Variants in SLC4A10 observed in about 807,000 individuals in gnomAD.
The protein encoded by SLC4A10 is solute carrier family 4 member 10.
Under a neutral mutation model 137.7 loss-of-function variants are expected in SLC4A10, and 42 were observed. That is an observed-to-expected ratio of 0.30 (90% CI 0.24 to 0.39). The LOEUF is 0.39. SLC4A10 is among the 10% of genes least tolerant of loss of function. The probability of loss-of-function intolerance (pLI) is 1.00; values close to 1 mark genes in which losing one functional copy is unlikely to be tolerated. For missense variants in SLC4A10, 925 were observed against 1,355.0 expected (o/e 0.68, Z 4.98); for synonymous variants, 474 against 464.1 (o/e 1.02, Z -0.27).
intron 3 of SLC4A10, among the ~76,000 whole-genome samples, chr2:161,823,010 A>T (rs1204958692): frequency 6.6e-6 from 1 of 151,946 alleles, no homozygotes; most frequent in East Asian, 1.9e-4. Context: ...CTTTTTTTTT[A>T]GATTTGTGAC....
intron 10 of SLC4A10, among the ~76,000 whole-genome samples, chr2:161,884,551 A>G (rs1037819629): frequency 1.3e-5 from 2 of 152,180 alleles, no homozygotes; most frequent in African/African-American, 4.8e-5. Flanking sequence ...AGAGCTACCT[A>G]ATTTGAGAAT....
intron 1 of SLC4A10, among the ~76,000 whole-genome samples, chr2:161,677,797 C>T (rs1475142917): frequency 2.0e-5 from 3 of 152,146 alleles, no homozygotes; most frequent in African/African-American, 7.2e-5. Flanking sequence ...AGATTTGGCA[C>T]AGCTAGTGAA....
At chr2:161,668,134 A>G (rs1574229550) in intron 1 of SLC4A10, among the ~76,000 whole-genome samples, 1 of 151,818 alleles carries the variant, frequency 6.6e-6, no homozygotes, top group African/African-American at 2.4e-5. Flanking sequence ...GAAACTTTGA[A>G]CTACTCCACT....
chr2:161,786,929 A>G (rs1410663870), intron 2 of SLC4A10, among the ~76,000 whole-genome samples: 1 of 151,812 alleles, frequency 6.6e-6, no homozygotes, highest in Non-Finnish European at 1.5e-5. Flanking sequence ...GTTGCTTTGC[A>G]GTCTCAGTGG....
chr2:161,972,690 A>T (rs1698766691), intron 23 of SLC4A10, among the ~76,000 whole-genome samples: 1 of 152,170 alleles, frequency 6.6e-6, no homozygotes, highest in Admixed American at 6.5e-5. Context: ...TACAATATAG[A>T]GTTTCTGGGG....
rs185875973 is a variant in SLC4A10 at position 161,670,924 on chromosome 2, C to A, written c.48+46358C>A. The stretch of plus-strand genomic sequence containing the variant: ...TAAGAGACTATTGTGTTCATCTGAG[C>A]CACATGTATGCTCCTCCTGAGTGTT... On this transcript the variant is annotated intron_variant, in intron 1 of 26. Transcript: ENST00000446997. Among the ~76,000 whole-genome samples the A allele has an allele frequency of 3.5e-4, 53 of 152,240 alleles. 1 individual carries two copies. Among genetic ancestry groups the A allele is most frequent in the Admixed American group, 2.4e-3 (36 of 15,258 alleles).
At chr2:161,719,507 C>G (rs1366831833) in intron 1 of SLC4A10, among the ~76,000 whole-genome samples, 5 of 152,144 alleles carry the variant, frequency 3.3e-5, no homozygotes, top group Non-Finnish European at 7.4e-5. Context: ...AACTAGTTTA[C>G]AGTCCCACCA....
intron 4 of SLC4A10, among the ~76,000 whole-genome samples, chr2:161,854,214 G>T (rs2125852485): frequency 6.6e-6 from 1 of 152,288 alleles, no homozygotes; most frequent in Non-Finnish European, 1.5e-5. Context: ...AAACGGATAA[G>T]AATTAAGTGG....
chr2:161,762,916 T>C (rs894219645), intron 1 of SLC4A10, among the ~76,000 whole-genome samples: 3 of 152,078 alleles, frequency 2.0e-5, no homozygotes, highest in Non-Finnish European at 4.4e-5. Flanking sequence ...ATATTTTTAC[T>C]GCTCCTTAAA....
chr2:161,728,472 A>G (rs942356277), intron 1 of SLC4A10, among the ~76,000 whole-genome samples: 1 of 152,022 alleles, frequency 6.6e-6, no homozygotes, highest in Non-Finnish European at 1.5e-5. Context: ...GCTACTGGGG[A>G]GGCTGAGGTA....
chr2:161,855,512 G>A (rs769433589), intron 5 of SLC4A10, among the ~76,000 whole-genome samples: 1 of 152,032 alleles, frequency 6.6e-6, no homozygotes, highest in Non-Finnish European at 1.5e-5. Flanking sequence ...ACAGAAAAAT[G>A]TTGGTTTAGA....
intron 25 of SLC4A10, 66 bp from the exon 26 acceptor site, chr2:161,977,656 C>T (rs1254904318): frequency 1.5e-6 from 2 of 1,356,938 alleles, no homozygotes; most frequent in African/African-American, 3.0e-5. Flanking sequence ...TTATAAAGTT[C>T]CTTTATTTTC....
At chr2:161,950,169 A>C (rs750867726) in intron 18 of SLC4A10, among the ~76,000 whole-genome samples, 1 of 152,034 alleles carries the variant, frequency 6.6e-6, no homozygotes, top group Non-Finnish European at 1.5e-5. Context: ...CAATACCATA[A>C]TGATGTATTT....
At chr2:161,777,292 C>T (rs187923940) in intron 2 of SLC4A10, among the ~76,000 whole-genome samples, 6 of 151,872 alleles carry the variant, frequency 4.0e-5, no homozygotes, top group African/African-American at 1.4e-4. Flanking sequence ...AATATTTTCT[C>T]CTATTCTATA....
chr2:161,867,297 T>C (rs1325956502), intron 6 of SLC4A10, among the ~76,000 whole-genome samples: 5 of 152,016 alleles, frequency 3.3e-5, no homozygotes, highest in Non-Finnish European at 7.4e-5. Flanking sequence ...TTTAGATATA[T>C]ATGCTTTCTT....
intron 15 of SLC4A10, among the ~76,000 whole-genome samples, chr2:161,919,855 C>T (rs973933582): frequency 6.6e-6 from 1 of 152,148 alleles, no homozygotes; most frequent in Admixed American, 6.5e-5. Context: ...TCAGGAAGTC[C>T]AGACCTAGGA....
chr2:161,942,792 G>A lies in SLC4A10; in HGVS notation c.1998G>A (p.Ser666=), dbSNP rs763285563. 1.3e-5 allele frequency: 20 copies of A among 1,597,562 alleles called. No individual in the cohort carries two copies. The highest frequency in any genetic ancestry group is 1.5e-5 in the Non-Finnish European group (18 of 1,171,452). ...AAAAGACACTATTTTGCCTTTTCAGGTGTAACTGTGTGGAACCGCATAATC... is the reference window on the plus strand; with the variant it reads ...AAAAGACACTATTTTGCCTTTTCAGATGTAACTGTGTGGAACCGCATAATC... ...HNDLELLTQY[S]CNCVEPHNPS... The change falls in exon 16 of 27, where the codon TCG becomes TCA. Residue 666 remains serine, a splice_region_variant and synonymous_variant. Coordinates refer to ENST00000446997, the MANE Select transcript of SLC4A10 (RefSeq NM_001178015.2).
chr2:161,720,527 G>A (rs956831275), intron 1 of SLC4A10, among the ~76,000 whole-genome samples: 1 of 152,120 alleles, frequency 6.6e-6, no homozygotes, highest in Non-Finnish European at 1.5e-5. Context: ...CTCTTCATAG[G>A]TCTCCAAGAA....
rs2048434289 is a variant in SLC4A10, at chr2:161,746,839, G to T, written c.49-24134G>T. On this transcript the variant is annotated intron_variant, in intron 1 of 26. Transcript: ENST00000446997. ...CTGGGTCCTTACTTTCAGGGCAATGGGTTTCCTTCTGGGTCCGAGTCACTC... is the reference window on the plus strand; with the variant it reads ...CTGGGTCCTTACTTTCAGGGCAATGTGTTTCCTTCTGGGTCCGAGTCACTC... 2.6e-5 allele frequency among the ~76,000 whole-genome samples: 4 copies of T among 152,280 alleles called. No homozygotes were observed. The South Asian group carries it at 8.3e-4, about 32-fold the overall frequency.
Sources: allele counts gnomAD v4.1 joint callset (sites outside exome capture counted in the v4.1 genomes callset), GRCh38; gene constraint gnomAD v4.1.1; transcripts MANE v1.5; gene names NCBI Gene and HGNC (gene_info 2026-07-23, HGNC 2026-07-21).